TRPC7: variants seen among roughly 807,000 people sequenced by gnomAD.
TRPC7 encodes short transient receptor potential channel 7.
In TRPC7, 42 loss-of-function variants were observed where a neutral mutation model predicts 90.1. That is an observed-to-expected ratio of 0.47 (90% CI 0.36 to 0.60). The LOEUF is 0.60. TRPC7 is among the 20% of genes least tolerant of loss of function. The pLI is 0.00. For synonymous variants in TRPC7, 451 were observed against 436.3 expected, an observed-to-expected ratio of 1.03 and a Z score of -0.42; for missense variants, 955 against 1,112.3, an observed-to-expected ratio of 0.86 and a Z score of 2.01.
intron 4 of TRPC7, among the ~76,000 whole-genome samples, 177 bp downstream of exon 4, chr5:136,274,496 A>G (rs1449792587): frequency 2.0e-5 from 3 of 152,240 alleles, no homozygotes; most frequent in Non-Finnish European, 4.4e-5. Context: ...GATTTAAAAA[A>G]GCACGTCTTA....
chr5:136,310,236 T>A (rs974709724), intron 3 of TRPC7, among the ~76,000 whole-genome samples: 4 of 152,198 alleles, frequency 2.6e-5, no homozygotes, highest in African/African-American at 9.6e-5. Flanking sequence ...AGAGGGAACC[T>A]CTGAAGTTCC....
At chr5:136,285,941 A>G (rs1561701679) in intron 3 of TRPC7, among the ~76,000 whole-genome samples, 1 of 152,048 alleles carries the variant, frequency 6.6e-6, no homozygotes, top group Non-Finnish European at 1.5e-5. Flanking sequence ...CTGTCCTCTA[A>G]CCCTGCTTTC....
intron 2 of TRPC7, among the ~76,000 whole-genome samples, chr5:136,342,710 G>C (rs1439903588): frequency 6.6e-6 from 1 of 152,198 alleles, no homozygotes; most frequent in Non-Finnish European, 1.5e-5. Context: ...ATAAAGTGTT[G>C]ACAAAACATG....
Position 136,242,788 on chromosome 5 carries a change from A to G in TRPC7, c.1844+4683T>C, listed in dbSNP as rs140037918. Among the ~76,000 whole-genome samples the G allele has an allele frequency of 1.9e-3, 295 of 152,288 alleles. 1 individual carries two copies. Among genetic ancestry groups the G allele is most frequent in the African/African-American group, 6.5e-3 (272 of 41,568 alleles). ...TTTCTGGGTCCTACCCAGAACTACTATAATCAGACTCTCTAAGAGGAAGAG... is the reference window on the plus strand; with the variant it reads ...TTTCTGGGTCCTACCCAGAACTACTGTAATCAGACTCTCTAAGAGGAAGAG... On this transcript the variant is annotated intron_variant, in intron 7 of 11. Transcript: ENST00000513104.
rs1455192340 is a variant in TRPC7, at chr5:136,315,774, A to C, written c.786T>G (p.Asp262Glu). 6.2e-7 allele frequency: 1 copy of C among 1,613,534 alleles called. No homozygotes were observed. Among genetic ancestry groups the C allele is most frequent in the Non-Finnish European group, 8.5e-7 (1 of 1,179,608 alleles). The change falls in exon 3 of 12, where the codon GAT (aspartate) becomes GAG (glutamate). Residue 262 changes from aspartate to glutamate, a missense_variant. Coordinates refer to ENST00000513104, the MANE Select transcript of TRPC7 (RefSeq NM_020389.3). ...LANIETEFKN[D>E]YRKLSMQCKD... ...TGCATTGCATAGATAACTTCCTGTA[A>C]TCGTTCTAACAGAATAGAGAGAAAT...
intron 3 of TRPC7, among the ~76,000 whole-genome samples, chr5:136,304,393 A>G (rs1758528376): frequency 1.1e-5 from 1 of 87,944 alleles, no homozygotes. Context: ...TCTCCTTACC[A>G]TTCCCCCATT....
intron 2 of TRPC7, among the ~76,000 whole-genome samples, chr5:136,325,628 G>A (rs1188186691): frequency 6.6e-6 from 1 of 152,176 alleles, no homozygotes; most frequent in African/African-American, 2.4e-5. Flanking sequence ...CAGGAGAACA[G>A]GGTCTGGAGG....
At chr5:136,349,346 A>G (rs544714639) in intron 2 of TRPC7, among the ~76,000 whole-genome samples, 2 of 152,312 alleles carry the variant, frequency 1.3e-5, no homozygotes, top group Non-Finnish European at 2.9e-5. Context: ...GGGAAGCTTA[A>G]CAGAAATCAG....
chr5:136,305,360 C>T (rs1341337659), intron 3 of TRPC7, among the ~76,000 whole-genome samples: 2 of 152,200 alleles, frequency 1.3e-5, no homozygotes, highest in African/African-American at 2.4e-5. Flanking sequence ...GTACAAGCCA[C>T]TAGCCCACCT....
intron 1 of TRPC7, among the ~76,000 whole-genome samples, chr5:136,363,290 C>T (rs1039602407): frequency 1.3e-5 from 2 of 152,104 alleles, no homozygotes; most frequent in Non-Finnish European, 2.9e-5. Flanking sequence ...CTTCCTTTTT[C>T]TGTTGAAATT....
chr5:136,361,747 T>G (rs1366928939), intron 1 of TRPC7, among the ~76,000 whole-genome samples: 1 of 151,994 alleles, frequency 6.6e-6, no homozygotes, highest in Admixed American at 6.6e-5. Flanking sequence ...AATCTAGGAG[T>G]CAGATCAAAC....
chr5:136,247,710 G>A lies in TRPC7; in HGVS notation c.1605C>T (p.Asp535=). The change falls in exon 7 of 12, where the codon GAC becomes GAT. Residue 535 remains aspartate, a synonymous_variant. Transcript: ENST00000513104. This position sits in a 1 kb window ranked among gnomAD's most constrained non-coding sequence, Gnocchi z 4.2. ...AGAGCCCTTCCGATATGATCTGAGG[G>A]TCTGAAGGCCACCACTTGTCCCTGG... ...TYARDKWWPS[D]PQIISEGLYA... 6.2e-7 allele frequency: 1 copy of A among 1,613,336 alleles called. No homozygotes were observed. The highest frequency in any genetic ancestry group is 8.5e-7 in the Non-Finnish European group (1 of 1,179,378).
rs763354606 is a variant in TRPC7 at position 136,231,440 on chromosome 5, G to C, written c.1954C>G (p.Leu652Val). 3 of 1,613,036 alleles carry C rather than the reference G, an allele frequency of 1.9e-6. No homozygotes were observed. Among genetic ancestry groups the C allele is most frequent in the Non-Finnish European group, 2.5e-6 (3 of 1,179,480 alleles). Residue 652 changes from leucine (L) to valine (V), a missense_variant, in exon 8 of 12, where the codon CTC (leucine) becomes GTC (valine). Physicochemically the swap from Leu to Val is conservative, Grantham distance 32. Coordinates refer to ENST00000513104, the MANE Select transcript of TRPC7 (RefSeq NM_020389.3). ...HKFIENIGYV[L>V]YGVYNVTMVV... ...ATGGTGACGTTATAAACGCCGTAGA[G>C]AACGTAGCCAATGTTCTCGATGAAT...
In TRPC7 at chr5:136,247,704, C is replaced by A; in HGVS notation, c.1611G>T (p.Gln537His). 6.2e-7 allele frequency: 1 copy of A among 1,613,822 alleles called. No individual in the cohort carries two copies. Among genetic ancestry groups the A allele is most frequent in the Non-Finnish European group, 8.5e-7 (1 of 1,179,764 alleles). The stretch of plus-strand genomic sequence containing the variant: ...TCGCGTAGAGCCCTTCCGATATGAT[C>A]TGAGGGTCTGAAGGCCACCACTTGT... ...ARDKWWPSDP[Q>H]IISEGLYAIA... The change falls in exon 7 of 12, where the codon CAG (glutamine) becomes CAT (histidine). Residue 537 changes from glutamine (Q) to histidine (H), a missense_variant. By Grantham distance (24) the Gln-to-His change is conservative. Coordinates refer to ENST00000513104, the MANE Select transcript of TRPC7 (RefSeq NM_020389.3). This position sits in a 1 kb window ranked among gnomAD's most constrained non-coding sequence, Gnocchi z 4.2.
At chr5:136,326,328 A>G (rs1759342314) in intron 2 of TRPC7, among the ~76,000 whole-genome samples, 1 of 152,238 alleles carries the variant, frequency 6.6e-6, no homozygotes, top group African/African-American at 2.4e-5. Flanking sequence ...AGAGGAATAC[A>G]TGTATATATA....
chr5:136,348,057 A>G (rs1760067903), intron 2 of TRPC7, among the ~76,000 whole-genome samples: 1 of 152,200 alleles, frequency 6.6e-6, no homozygotes, highest in Non-Finnish European at 1.5e-5. Flanking sequence ...TTCTTCCTAC[A>G]TAGGCCTTCC....
At chr5:136,323,524 G>T (rs529631860) in intron 2 of TRPC7, among the ~76,000 whole-genome samples, 1 of 152,124 alleles carries the variant, frequency 6.6e-6, no homozygotes, top group Admixed American at 6.6e-5. Context: ...ATGATGTGAG[G>T]TGTAGGTTGA....
chr5:136,276,613 A>G (rs1417179837), intron 3 of TRPC7, among the ~76,000 whole-genome samples: 1 of 152,238 alleles, frequency 6.6e-6, no homozygotes, highest in Admixed American at 6.5e-5. Context: ...GCCCCTGACA[A>G]TACCATTACT....
chr5:136,257,767 C>T (rs1388626845), intron 5 of TRPC7, among the ~76,000 whole-genome samples: 1 of 152,088 alleles, frequency 6.6e-6, no homozygotes, highest in East Asian at 1.9e-4. Flanking sequence ...GACTGTGCAA[C>T]CGGTATTTTT....
Sources: gnomAD v4.1 joint callset for allele counts (sites outside exome capture counted in the v4.1 genomes callset) on GRCh38, gnomAD v4.1.1 for gene constraint, Gnocchi (gnomAD v3.1) non-coding constraint, MANE v1.5 for transcripts, NCBI Gene and HGNC (gene_info 2026-07-23, HGNC 2026-07-21) for gene names.